The following CWF19L2 variants were observed in gnomAD, a reference collection of about 807,000 sequenced individuals.
CWF19L2 encodes CWF19 like cell cycle control factor 2.
In CWF19L2, 98 loss-of-function variants were observed where a neutral mutation model predicts 111.7. The observed-to-expected ratio is 0.88, with a 90% CI of 0.75 to 1.04. CWF19L2 has a LOEUF of 1.04. Ranked by LOEUF, CWF19L2 falls within the 50% of genes least tolerant of loss-of-function variation. The pLI, the probability that CWF19L2 is intolerant of heterozygous loss-of-function variation, is 0.00. For missense variants in CWF19L2, 1,101 were observed against 1,051.4 expected, an observed-to-expected ratio of 1.05 and a Z score of -0.65; for synonymous variants, 351 against 342.9, an observed-to-expected ratio of 1.02 and a Z score of -0.26.
At chr11:107,398,095 C>T (rs562680926) in intron 10 of CWF19L2, among the ~76,000 whole-genome samples, 5 of 152,260 alleles carry the variant, frequency 3.3e-5, no homozygotes, top group African/African-American at 1.2e-4. Flanking sequence ...GAAAACCAAC[C>T]CTGGTAATAT....
chr11:107,385,427 A>G (rs1305911529), intron 12 of CWF19L2, among the ~76,000 whole-genome samples: 2 of 152,206 alleles, frequency 1.3e-5, no homozygotes, highest in African/African-American at 4.8e-5. Context: ...ATTTTTTTTA[A>G]AAGTCTGGAC....
intron 10 of CWF19L2, among the ~76,000 whole-genome samples, chr11:107,408,843 T>C (rs921011054): frequency 6.6e-6 from 1 of 152,010 alleles, no homozygotes; most frequent in Non-Finnish European, 1.5e-5. Flanking sequence ...TACAGTAACA[T>C]GGCAAGGTAA....
rs1861428695 is a variant in CWF19L2 at position 107,429,286 on chromosome 11, C to T, written c.946G>A (p.Asp316Asn). 1 of 1,613,096 alleles carries T rather than the reference C, an allele frequency of 6.2e-7. No individual in the cohort carries two copies. The highest frequency in any genetic ancestry group is 8.5e-7 in the Non-Finnish European group (1 of 1,179,538). Reference protein sequence around the residue: ...DLVKYGNSSRDRYATTDTAKN... With the variant: ...DLVKYGNSSRNRYATTDTAKN... ...GCAGTATCTGTTGTAGCATATCTATCCCTTGAACTGTTACCATATTTTACT... is the reference window on the plus strand; with the variant it reads ...GCAGTATCTGTTGTAGCATATCTATTCCTTGAACTGTTACCATATTTTACT... Residue 316 changes from aspartate (D) to asparagine (N), a missense_variant, in exon 8 of 18, where the codon GAT (aspartate) becomes AAT (asparagine). Coordinates refer to ENST00000282251, the MANE Select transcript of CWF19L2 (RefSeq NM_152434.3).
chr11:107,335,656 T>G (rs1859912056), intron 15 of CWF19L2, among the ~76,000 whole-genome samples: 1 of 152,024 alleles, frequency 6.6e-6, no homozygotes, highest in African/African-American at 2.4e-5. Flanking sequence ...AGAAATGGAG[T>G]AAGACTTCCT....
chr11:107,442,771 GAA>G lies in CWF19L2; in HGVS notation c.450+166_450+167del, dbSNP rs1565287173. ...GGAAGGAAGGAAGGAAGGAAGGAAG[GAA>G]GGAAGGAAGGAAGGAAGGAAGGGAG... On this transcript the variant is annotated intron_variant, in intron 4 of 17. Transcript: ENST00000282251. Among the ~76,000 whole-genome samples the G allele has an allele frequency of 6.9e-3, 326 of 47,004 alleles. 2 individuals carry two copies. Among genetic ancestry groups the G allele is most frequent in the South Asian group, 0.011 (14 of 1,238 alleles). The allele number at this position is 47,004 out of a possible 152,430, so 30.8% of individuals were successfully genotyped here. A position where few individuals can be genotyped will look rare whatever the true frequency, so the allele number is the denominator to read the frequency against.
chr11:107,441,384 G>T, intron 5 of CWF19L2, 119 bp downstream of exon 5: 1 of 831,004 alleles, frequency 1.2e-6, no homozygotes, highest in Non-Finnish European at 1.7e-6. Flanking sequence ...CTCACTAATT[G>T]TATTAAATAC....
intron 10 of CWF19L2, among the ~76,000 whole-genome samples, chr11:107,411,485 T>A (rs1193965001): frequency 6.6e-6 from 1 of 152,150 alleles, no homozygotes; most frequent in Non-Finnish European, 1.5e-5. Flanking sequence ...TTTGAACGTA[T>A]TTGAAACCCT....
At chr11:107,383,531 C>CA (rs981883148) in intron 12 of CWF19L2, among the ~76,000 whole-genome samples, 1 of 151,668 alleles carries the variant, frequency 6.6e-6, no homozygotes, top group Admixed American at 6.6e-5. Flanking sequence ...AGTACATATT[C>CA]AAAAAAACTG....
intron 12 of CWF19L2, among the ~76,000 whole-genome samples, chr11:107,374,270 C>T (rs1363240069): frequency 1.3e-4 from 16 of 127,758 alleles, no homozygotes; most frequent in African/African-American, 2.4e-4. Context: ...ATACAGAGAA[C>T]GCCACAAACA....
intron 8 of CWF19L2, 132 bp from the exon 9 acceptor site, chr11:107,418,419 C>CA: frequency 1.5e-6 from 1 of 651,318 alleles, no homozygotes; most frequent in Non-Finnish European, 2.8e-6. Flanking sequence ...GATTGTAATA[C>CA]ATGTAAATTA....
At chr11:107,447,193 CTG>C (rs1173505747) in intron 3 of CWF19L2, among the ~76,000 whole-genome samples, 1 of 152,126 alleles carries the variant, frequency 6.6e-6, no homozygotes, top group African/African-American at 2.4e-5. Context: ...ACTTTCTAGA[CTG>C]TGGCATAGAG....
chr11:107,441,738 C>T, intron 4 of CWF19L2, 116 bp from the exon 5 acceptor site: 1 of 1,042,072 alleles, frequency 9.6e-7, no homozygotes, highest in Non-Finnish European at 1.3e-6. Context: ...GCAATCAAAC[C>T]TGAAACAAGT....
intron 2 of CWF19L2, among the ~76,000 whole-genome samples, chr11:107,454,916 T>C (rs571844676): frequency 6.6e-6 from 1 of 152,088 alleles, no homozygotes; most frequent in South Asian, 2.1e-4. Flanking sequence ...CACATACATA[T>C]AATATCCCTC....
At chr11:107,328,405 TG>T in intron 17 of CWF19L2, among the ~76,000 whole-genome samples, 1 of 152,156 alleles carries the variant, frequency 6.6e-6, no homozygotes, top group Non-Finnish European at 1.5e-5. Flanking sequence ...CATATAAGCT[TG>T]ACTCTTGTTC....
At chr11:107,442,290 AT>A (rs1861628811) in intron 4 of CWF19L2, among the ~76,000 whole-genome samples, 1 of 152,194 alleles carries the variant, frequency 6.6e-6, no homozygotes, top group African/African-American at 2.4e-5. Flanking sequence ...TTCCTAAAGT[AT>A]ATTGTTTTCA....
At chr11:107,428,664 C>T in intron 8 of CWF19L2, 135 bp downstream of exon 8, 1 of 710,036 alleles carries the variant, frequency 1.4e-6, no homozygotes, top group Non-Finnish European at 2.3e-6. Flanking sequence ...GTTAAATCTG[C>T]ATATCTTACC....
chr11:107,445,049 T>C (rs905311819), intron 3 of CWF19L2, among the ~76,000 whole-genome samples: 3 of 152,158 alleles, frequency 2.0e-5, no homozygotes, highest in Non-Finnish European at 4.4e-5. Context: ...AGGCCATTTC[T>C]GTCATGAGAA....
At chr11:107,412,390 G>A (rs1861169849) in intron 10 of CWF19L2, among the ~76,000 whole-genome samples, 1 of 152,154 alleles carries the variant, frequency 6.6e-6, no homozygotes, top group Non-Finnish European at 1.5e-5. Flanking sequence ...GCCCAGGCTG[G>A]AGTGTAGTGG....
intron 7 of CWF19L2, among the ~76,000 whole-genome samples, chr11:107,430,272 A>G (rs1861446995): frequency 6.6e-6 from 1 of 152,002 alleles, no homozygotes; most frequent in Admixed American, 6.6e-5. Context: ...GTGAGCCTGT[A>G]TATGGATAGG....
Sources: allele counts gnomAD v4.1 joint callset (sites outside exome capture counted in the v4.1 genomes callset), GRCh38; gene constraint gnomAD v4.1.1; transcripts MANE v1.5; gene names NCBI Gene and HGNC (gene_info 2026-07-23, HGNC 2026-07-21).